The following SLC9A9 variants were observed in gnomAD, a reference collection of about 807,000 sequenced individuals.
The protein encoded by SLC9A9 is solute carrier family 9 member A9, also known as sodium/hydrogen exchanger 9.
SLC9A9 carries 62 observed loss-of-function variants against 77.8 expected under a neutral mutation model. The observed-to-expected ratio is 0.80, with a 90% CI of 0.65 to 0.98. SLC9A9 has a LOEUF of 0.98. Ranked by LOEUF, SLC9A9 falls within the 50% of genes least tolerant of loss-of-function variation. The pLI is 0.00. For missense variants in SLC9A9, 775 were observed against 774.9 expected (o/e 1.00, Z 0.00); for synonymous variants, 320 against 283.5 (o/e 1.13, Z -1.29).
chr3:143,775,414 G>A (rs919459104), intron 4 of SLC9A9, among the ~76,000 whole-genome samples: 1 of 152,188 alleles, frequency 6.6e-6, no homozygotes, highest in African/African-American at 2.4e-5. Flanking sequence ...TAATACCTAA[G>A]TCAACTCTGT....
intron 4 of SLC9A9, among the ~76,000 whole-genome samples, chr3:143,720,720 ACCTGT>A (rs1934474445): frequency 6.6e-6 from 1 of 151,392 alleles, no homozygotes; most frequent in Non-Finnish European, 1.5e-5. Context: ...CTCCCCAGCC[ACCTGT>A]CCTTAAGGAG....
chr3:143,529,157 A>G (rs567791666), intron 9 of SLC9A9, among the ~76,000 whole-genome samples: 1 of 152,338 alleles, frequency 6.6e-6, no homozygotes, highest in East Asian at 1.9e-4. Context: ...CTCTCAAGCA[A>G]AAAATGCAGC....
At chr3:143,761,795 G>A (rs1031638221) in intron 4 of SLC9A9, among the ~76,000 whole-genome samples, 7 of 152,208 alleles carry the variant, frequency 4.6e-5, no homozygotes, top group Non-Finnish European at 8.8e-5. Flanking sequence ...ATTCCTCAAT[G>A]ATCTAGAACC....
intron 2 of SLC9A9, among the ~76,000 whole-genome samples, chr3:143,812,168 T>C (rs2008885899): frequency 6.6e-6 from 1 of 152,236 alleles, no homozygotes; most frequent in Admixed American, 6.5e-5. Context: ...ATATACTTTG[T>C]ATTACTCCTA....
At chr3:143,547,936 C>T (rs1445749705) in intron 9 of SLC9A9, among the ~76,000 whole-genome samples, 1 of 152,132 alleles carries the variant, frequency 6.6e-6, no homozygotes, top group East Asian at 1.9e-4. Flanking sequence ...TCCCCGGTAC[C>T]TTGAGCAATG....
At chr3:143,801,175 C>T (rs1463078775) in intron 2 of SLC9A9, among the ~76,000 whole-genome samples, 1 of 152,172 alleles carries the variant, frequency 6.6e-6, no homozygotes, top group Non-Finnish European at 1.5e-5. Context: ...CTCATCCCAA[C>T]CCTTTTGGTT....
chr3:143,482,507 T>C (rs1038325054), intron 11 of SLC9A9, among the ~76,000 whole-genome samples: 1 of 152,212 alleles, frequency 6.6e-6, no homozygotes, highest in Non-Finnish European at 1.5e-5. Flanking sequence ...CGCTGACATA[T>C]CATCTGGCTC....
In SLC9A9 at chr3:143,449,909, T is replaced by C. The variant is rs1337412897; in HGVS notation, c.1469+17128A>G. On this transcript the variant is annotated intron_variant, in intron 12 of 15. Transcript: ENST00000316549. ...ATATATAATTATATAACATATAATA[T>C]AATATTACATAATATATATTACATG... Among the ~76,000 whole-genome samples, 13 of 78,570 alleles carry C rather than the reference T, an allele frequency of 1.7e-4. 1 individual carries two copies. The highest frequency in any genetic ancestry group is 6.9e-4 in the African/African-American group (12 of 17,336). The allele number at this position is 78,570 out of a possible 152,430, so 51.5% of individuals were successfully genotyped here.
chr3:143,411,938 T>C (rs1234603470), intron 12 of SLC9A9, among the ~76,000 whole-genome samples: 4 of 152,140 alleles, frequency 2.6e-5, no homozygotes, highest in African/African-American at 9.7e-5. Flanking sequence ...GCAGACAAAC[T>C]GTTGCCCTTC....
intron 1 of SLC9A9, among the ~76,000 whole-genome samples, chr3:143,833,027 A>G (rs577681328): frequency 6.6e-6 from 1 of 152,300 alleles, no homozygotes; most frequent in East Asian, 1.9e-4. Flanking sequence ...ACAATCCTTG[A>G]ATTTTTACGT....
intron 12 of SLC9A9, among the ~76,000 whole-genome samples, chr3:143,441,933 C>A (rs2034747743): frequency 6.6e-6 from 1 of 151,956 alleles, no homozygotes; most frequent in Non-Finnish European, 1.5e-5. Context: ...CCCACTTAAC[C>A]ACCCATCCCC....
chr3:143,827,187 T>C (rs2009321209), intron 2 of SLC9A9, among the ~76,000 whole-genome samples: 1 of 152,244 alleles, frequency 6.6e-6, no homozygotes, highest in Non-Finnish European at 1.5e-5. Flanking sequence ...AACAAACTTA[T>C]GTTTGCAAAG....
At chr3:143,542,486 A>C (rs4839600) in intron 9 of SLC9A9, among the ~76,000 whole-genome samples, 60,929 of 152,054 alleles carry the variant, frequency 0.4, 12,356 homozygotes, top group African/African-American at 0.45. Context: ...TGGGATGGAA[A>C]GTGACTGCTT....
chr3:143,314,016 C>T (rs1196551641), intron 14 of SLC9A9, among the ~76,000 whole-genome samples: 2 of 152,180 alleles, frequency 1.3e-5, no homozygotes, highest in African/African-American at 4.8e-5. Flanking sequence ...AGAGGGAGTT[C>T]AGCAACCCTC....
intron 4 of SLC9A9, among the ~76,000 whole-genome samples, chr3:143,771,088 C>A (rs1363757691): frequency 1.3e-5 from 2 of 152,082 alleles, no homozygotes; most frequent in Non-Finnish European, 2.9e-5. Context: ...AGATTATTTT[C>A]TACCTATCCA....
chr3:143,757,830 G>A (rs560735738), intron 4 of SLC9A9, among the ~76,000 whole-genome samples: 1 of 152,202 alleles, frequency 6.6e-6, no homozygotes, highest in East Asian at 1.9e-4. Flanking sequence ...GGATTAGAAA[G>A]GGGGGTAGTA....
At chr3:143,583,497 C>T (rs1317102074) in intron 6 of SLC9A9, among the ~76,000 whole-genome samples, 1 of 152,186 alleles carries the variant, frequency 6.6e-6, no homozygotes, top group East Asian at 1.9e-4. Context: ...GGTCTGATAG[C>T]TTAGGCAGTG....
chr3:143,665,235 A>G lies in SLC9A9; in HGVS notation c.650-12875T>C, dbSNP rs192083519. On this transcript the variant is annotated intron_variant, in intron 5 of 15. Transcript: ENST00000316549. ...CTAAACAATCTGCTCCTGAATGACTATGGGGTAAATAAAGAAATGAAGGCA... is the reference window on the plus strand; with the variant it reads ...CTAAACAATCTGCTCCTGAATGACTGTGGGGTAAATAAAGAAATGAAGGCA... Among the ~76,000 whole-genome samples the G allele has an allele frequency of 2.0e-5, 3 of 152,364 alleles. No homozygotes were observed. The East Asian group carries it at 5.8e-4, about 29-fold the overall frequency.
At chr3:143,665,760 C>T (rs1217519501) in intron 5 of SLC9A9, among the ~76,000 whole-genome samples, 1 of 152,194 alleles carries the variant, frequency 6.6e-6, no homozygotes, top group African/African-American at 2.4e-5. Flanking sequence ...TGGACACATA[C>T]ACTCTCTCAA....
Sources: allele counts gnomAD v4.1 joint callset (sites outside exome capture counted in the v4.1 genomes callset), GRCh38; gene constraint gnomAD v4.1.1; transcripts MANE v1.5; gene names NCBI Gene and HGNC (gene_info 2026-07-23, HGNC 2026-07-21).